MAP3K2: variants seen among roughly 807,000 people sequenced by gnomAD.
MAP3K2 encodes mitogen-activated protein kinase kinase kinase 2, also known as MAP/ERK kinase kinase 2.
In MAP3K2, 24 loss-of-function variants were observed where a neutral mutation model predicts 80.3. The ratio of observed to expected loss-of-function variants is 0.30; its 90% CI spans 0.22 to 0.42. The LOEUF (loss-of-function observed/expected upper bound fraction) is 0.42. Among genes scored for constraint, MAP3K2 ranks in the 10% least tolerant of loss-of-function variants. The pLI is 1.00. For missense variants in MAP3K2, 608 were observed against 750.1 expected (o/e 0.81, Z 2.21); for synonymous variants, 244 against 253.7 (o/e 0.96, Z 0.36).
At chr2:127,371,437 A>G (rs763019152) in intron 1 of MAP3K2, among the ~76,000 whole-genome samples, 1 of 152,250 alleles carries the variant, frequency 6.6e-6, no homozygotes, top group Non-Finnish European at 1.5e-5. Context: ...GGGATCTTTT[A>G]TAAATGTTCG....
chr2:127,388,015 T>C, upstream of MAP3K2: 2 of 982,912 alleles, frequency 2.0e-6, no homozygotes, highest in Non-Finnish European at 2.4e-6. Flanking sequence ...CGCTCGCTCG[T>C]GCGCGCGCAC....
chr2:127,367,314 A>G (rs1686989406), intron 1 of MAP3K2, among the ~76,000 whole-genome samples: 1 of 152,160 alleles, frequency 6.6e-6, no homozygotes, highest in Non-Finnish European at 1.5e-5. Flanking sequence ...ACTGTCTGAC[A>G]TATGTATATT....
Position 127,329,991 on chromosome 2 carries a change from T to C in MAP3K2, c.396A>G (p.Pro132=). The change falls in exon 7 of 17, where the codon CCA becomes CCG. Residue 132 remains proline (P), a synonymous_variant. Coordinates refer to ENST00000682094, the MANE Select transcript of MAP3K2 (RefSeq NM_001371910.2). ...NGSTQATNLE[P]LPSLEDLDNT... is the part of the protein sequence containing the mutation. ...TATCCAAATCTTCTAGTGATGGCAA[T>C]GGTTCTAAATTAGTAGCCTACAAAG... 6.2e-7 allele frequency: 1 copy of C among 1,607,348 alleles called. No homozygotes were observed. The highest frequency in any genetic ancestry group is 1.1e-5 in the South Asian group (1 of 90,942).
At chr2:127,325,654 C>G in intron 9 of MAP3K2, 74 bp downstream of exon 9, 2 of 1,226,714 alleles carry the variant, frequency 1.6e-6, no homozygotes, top group Non-Finnish European at 2.4e-6. Flanking sequence ...CGCCACTGCG[C>G]TCCAGCCTGG....
upstream of MAP3K2, chr2:127,388,285 A>G (rs1687422097): frequency 4.1e-6 from 4 of 985,312 alleles, no homozygotes; most frequent in South Asian, 4.7e-5. Context: ...GCCAGATCCC[A>G]GACATCCGAG....
intron 14 of MAP3K2, among the ~76,000 whole-genome samples, chr2:127,316,081 T>C (rs1227602768): frequency 1.3e-5 from 2 of 149,856 alleles, no homozygotes; most frequent in African/African-American, 4.9e-5. Context: ...TCTCAAAAAA[T>C]AAAAATTGTA....
At chr2:127,347,006 A>G (rs1558983782) in intron 1 of MAP3K2, among the ~76,000 whole-genome samples, 1 of 152,138 alleles carries the variant, frequency 6.6e-6, no homozygotes, top group Non-Finnish European at 1.5e-5. Context: ...AAAAAAGAAA[A>G]AAAAGAAAAA....
chr2:127,311,891 CTTTTT>C (rs1347190405), intron 15 of MAP3K2, among the ~76,000 whole-genome samples: 1 of 152,082 alleles, frequency 6.6e-6, no homozygotes, highest in African/African-American at 2.4e-5. Context: ...ATCTCCTTTT[CTTTTT>C]TCTTTGCAAC....
rs1372111388 is a variant in MAP3K2, at chr2:127,321,015, G to A, written c.1045+1031C>T. Reference sequence around the variant, plus strand: ...CATGCCTGTAGTGCCAGATACTTGGGAGTTTGAAGTGGGAGGATTGCTTGA... The same window carrying A: ...CATGCCTGTAGTGCCAGATACTTGGAAGTTTGAAGTGGGAGGATTGCTTGA... On this transcript the variant is annotated intron_variant, in intron 12 of 16. Transcript: ENST00000682094. The surrounding 1 kb of genome is among the most constrained non-coding windows in gnomAD (Gnocchi z 4.4). 6.6e-6 allele frequency among the ~76,000 whole-genome samples: 1 copy of A among 152,170 alleles called. No individual in the cohort carries two copies. Among genetic ancestry groups the A allele is most frequent in the Non-Finnish European group, 1.5e-5 (1 of 68,038 alleles).
At chr2:127,311,062 C>T (rs1453092651) in intron 15 of MAP3K2, among the ~76,000 whole-genome samples, 1 of 152,092 alleles carries the variant, frequency 6.6e-6, no homozygotes, top group Non-Finnish European at 1.5e-5. Context: ...GATAAAGAGA[C>T]CCCACCCCTA....
At position 127,330,461 on chromosome 2, in the gene MAP3K2, C is replaced by T. The variant is rs756812304; in HGVS notation, c.309G>A (p.Val103=). The T allele has an allele frequency of 6.6e-5, 106 of 1,609,510 alleles. No homozygotes were observed. Among genetic ancestry groups the T allele is most frequent in the Non-Finnish European group, 5.1e-6 (6 of 1,177,640 alleles). ...TATGAATACTACGATCCAGCAGTTC[C>T]ACAGCTTTGTCCAAGTCATCTTGAG... ...LTTQDDLDKA[V]ELLDRSIHMK... Residue 103 remains valine, a synonymous_variant, in exon 6 of 17, where the codon GTG becomes GTA. Transcript: ENST00000682094.
At chr2:127,358,398 C>T (rs942912261) in intron 1 of MAP3K2, among the ~76,000 whole-genome samples, 1 of 152,084 alleles carries the variant, frequency 6.6e-6, no homozygotes, top group African/African-American at 2.4e-5. Flanking sequence ...AAACATACTC[C>T]CATATGAACC....
intron 15 of MAP3K2, among the ~76,000 whole-genome samples, chr2:127,311,186 A>G (rs1685801073): frequency 6.6e-6 from 1 of 152,202 alleles, no homozygotes; most frequent in Non-Finnish European, 1.5e-5. Flanking sequence ...TTCTCTGCAC[A>G]CCTTAAGTGT....
In MAP3K2 at chr2:127,326,808, C is replaced by T. The variant is rs1044352881; in HGVS notation, c.476G>A (p.Ser159Asn). The T allele has an allele frequency of 1.2e-5, 19 of 1,563,170 alleles. No homozygotes were observed. The highest frequency in any genetic ancestry group is 1.6e-5 in the Non-Finnish European group (19 of 1,157,030). ...TGGGGGAGGAGAACTTCTATCTCTA[C>T]TAGTAGGACCTCAAGGAAGAAAAAT... Reference protein sequence around the residue: ...KKRLSIIGPTSRDRSSPPPGY... With the variant: ...KKRLSIIGPTNRDRSSPPPGY... Residue 159 changes from serine (S) to asparagine (N), a missense_variant, in exon 8 of 17, where the codon AGT (serine) becomes AAT (asparagine). This residue lies in a region of MAP3K2 where 467 missense variants were observed against 521.9 expected (regional missense o/e 0.89). Transcript: ENST00000682094.
chr2:127,313,399 C>T lies in MAP3K2; in HGVS notation c.1456+1355G>A, dbSNP rs76304989. 2.4e-3 allele frequency among the ~76,000 whole-genome samples: 361 copies of T among 152,292 alleles called. 9 individuals carry two copies. The East Asian group carries it at 0.062, about 26-fold the overall frequency. Reference sequence around the variant, plus strand: ...ATGCGTAGATCATGAGCAATGTCCCCATCTTTTCAGACTTACTCTAAGTCC... The same window carrying T: ...ATGCGTAGATCATGAGCAATGTCCCTATCTTTTCAGACTTACTCTAAGTCC... On this transcript the variant is annotated intron_variant, in intron 15 of 16. Transcript: ENST00000682094.
At chr2:127,382,289 T>C (rs1464831277) in intron 1 of MAP3K2, among the ~76,000 whole-genome samples, 2 of 152,196 alleles carry the variant, frequency 1.3e-5, no homozygotes, top group East Asian at 3.9e-4. Flanking sequence ...AGAGGTAAAA[T>C]GTCATAATGT....
chr2:127,353,244 A>G (rs1413870956), intron 1 of MAP3K2, among the ~76,000 whole-genome samples: 1 of 147,120 alleles, frequency 6.8e-6, no homozygotes, highest in Non-Finnish European at 1.5e-5. Flanking sequence ...CATCCCATCT[A>G]GGAAGTGACG....
chr2:127,343,603 TA>T (rs570498224), intron 1 of MAP3K2, among the ~76,000 whole-genome samples: 21 of 149,498 alleles, frequency 1.4e-4, no homozygotes, highest in South Asian at 2.1e-4. Flanking sequence ...TATGTTGGTT[TA>T]AAAAAAAAAC....
rs1431461304 is a variant in MAP3K2, at chr2:127,299,753, A to G, written c.*7826T>C. The G allele has an allele frequency of 2.0e-5, 3 of 152,152 alleles. No homozygotes were observed. Among genetic ancestry groups the G allele is most frequent in the Admixed American group, 6.6e-5 (1 of 15,242 alleles). The allele number at this position is 152,152 out of a possible 1,614,324, so 9.4% of individuals were successfully genotyped here. A position where few individuals can be genotyped will look rare whatever the true frequency, so the allele number is the denominator to read the frequency against. On this transcript the variant is annotated 3_prime_UTR_variant, in exon 17 of 17. Coordinates refer to ENST00000682094, the MANE Select transcript of MAP3K2 (RefSeq NM_001371910.2). The stretch of plus-strand genomic sequence containing the variant: ...ATACAAATACATTTTGAATGGCTAA[A>G]AACAAAATTTTAAAAATACTTTTGA...
Sources: gnomAD v4.1 joint callset for allele counts (sites outside exome capture counted in the v4.1 genomes callset) on GRCh38, gnomAD v4.1.1 for gene constraint, gnomAD v4.1.1 regional missense constraint, Gnocchi (gnomAD v3.1) non-coding constraint, MANE v1.5 for transcripts, NCBI Gene and HGNC (gene_info 2026-07-23, HGNC 2026-07-21) for gene names.